The following ULK4 variants were observed in gnomAD, a reference collection of about 807,000 sequenced individuals.
The protein encoded by ULK4 is unc-51 like kinase 4, also known as inactive serine/threonine-protein kinase ULK4.
Under a neutral mutation model 160.6 loss-of-function variants are expected in ULK4, and 133 were observed. The ratio of observed to expected loss-of-function variants is 0.83; its 90% CI spans 0.72 to 0.96. The LOEUF is 0.96. Among genes scored for constraint, ULK4 ranks in the 40% least tolerant of loss-of-function variants. The probability of loss-of-function intolerance (pLI) is 0.00; values close to 1 mark genes in which losing one functional copy is unlikely to be tolerated. For missense variants in ULK4, 1,580 were observed against 1,499.5 expected, an observed-to-expected ratio of 1.05 and a Z score of -0.89; for synonymous variants, 534 against 539.8, an observed-to-expected ratio of 0.99 and a Z score of 0.15.
At chr3:41,426,965 C>A (rs1040705597) in intron 34 of ULK4, among the ~76,000 whole-genome samples, 1 of 152,060 alleles carries the variant, frequency 6.6e-6, no homozygotes, top group Non-Finnish European at 1.5e-5. Context: ...TCAAAGAAAT[C>A]AATGAATCCA....
At chr3:41,386,482 T>A (rs924637924) in intron 35 of ULK4, among the ~76,000 whole-genome samples, 34 of 152,130 alleles carry the variant, frequency 2.2e-4, no homozygotes, top group African/African-American at 8.2e-4. Context: ...TTCTCAAAAG[T>A]CAGGCAGGAA....
At chr3:41,350,708 AGAG>A (rs142404989) in intron 35 of ULK4, among the ~76,000 whole-genome samples, 7,415 of 152,270 alleles carry the variant, frequency 0.049, 419 homozygotes, top group East Asian at 0.2. Flanking sequence ...CTCTGCCATC[AGAG>A]AAGAGATACA....
At chr3:41,859,597 T>G in intron 17 of ULK4, 1 of 518,474 alleles carries the variant, frequency 1.9e-6, no homozygotes, top group Non-Finnish European at 3.9e-6. Context: ...ATATGCATGG[T>G]CACTGCCTGA....
intron 30 of ULK4, among the ~76,000 whole-genome samples, chr3:41,651,162 C>T (rs2034724508): frequency 1.3e-5 from 2 of 152,200 alleles, no homozygotes; most frequent in Non-Finnish European, 2.9e-5. Context: ...CCTCTGTCCT[C>T]ATCATACTGA....
chr3:41,756,105 T>C lies in ULK4; in HGVS notation c.2194-1617A>G, dbSNP rs142510679. On this transcript the variant is annotated intron_variant, in intron 21 of 36. Transcript: ENST00000301831. ...AATCATTCACACTGTATGTCCAAAA[T>C]TAAACTCAGTGACTACTCTAAACAT... Among the ~76,000 whole-genome samples the C allele has an allele frequency of 1.7e-3, 252 of 152,280 alleles. 1 individual carries two copies. Among genetic ancestry groups the C allele is most frequent in the Non-Finnish European group, 2.2e-3 (153 of 68,022 alleles).
chr3:41,923,261 G>A (rs1006613412), intron 5 of ULK4, among the ~76,000 whole-genome samples: 11 of 152,050 alleles, frequency 7.2e-5, no homozygotes. Context: ...CACTTTGGGA[G>A]GCTGAGGTGG....
At chr3:41,730,936 T>C (rs543267495) in intron 22 of ULK4, among the ~76,000 whole-genome samples, 6 of 152,100 alleles carry the variant, frequency 3.9e-5, no homozygotes, top group Admixed American at 2.6e-4. Flanking sequence ...AAAAACCATA[T>C]GATTTCAATA....
At chr3:41,836,614 G>C (rs1305491269) in intron 17 of ULK4, among the ~76,000 whole-genome samples, 1 of 152,152 alleles carries the variant, frequency 6.6e-6, no homozygotes, top group East Asian at 1.9e-4. Flanking sequence ...GGACAGCCAG[G>C]ATCCTAAAAC....
At chr3:41,452,904 C>G (rs954168308) in intron 34 of ULK4, among the ~76,000 whole-genome samples, 3 of 152,088 alleles carry the variant, frequency 2.0e-5, no homozygotes, top group African/African-American at 7.2e-5. Flanking sequence ...TGAGACTATT[C>G]CCAAACATGG....
At chr3:41,501,103 A>G (rs2085188149) in intron 32 of ULK4, among the ~76,000 whole-genome samples, 1 of 152,246 alleles carries the variant, frequency 6.6e-6, no homozygotes, top group Admixed American at 6.5e-5. Flanking sequence ...TTGACAATTC[A>G]TAAGTGTTGG....
At chr3:41,279,506 T>C (rs2079307791) in intron 35 of ULK4, among the ~76,000 whole-genome samples, 1 of 152,010 alleles carries the variant, frequency 6.6e-6, no homozygotes, top group South Asian at 2.1e-4. Flanking sequence ...GACACATAAT[T>C]GTCAGATGCA....
chr3:41,565,727 C>T (rs778433274), intron 32 of ULK4, among the ~76,000 whole-genome samples: 1 of 152,060 alleles, frequency 6.6e-6, no homozygotes, highest in Admixed American at 6.5e-5. Flanking sequence ...TCAGGTAATC[C>T]GTTATAGCAA....
intron 32 of ULK4, among the ~76,000 whole-genome samples, chr3:41,548,163 G>A (rs1428089064): frequency 6.6e-6 from 1 of 152,116 alleles, no homozygotes; most frequent in Non-Finnish European, 1.5e-5. Flanking sequence ...ACCCACCATA[G>A]CCTGTGCCCA....
intron 17 of ULK4, among the ~76,000 whole-genome samples, chr3:41,848,243 G>A (rs2042119769): frequency 6.6e-6 from 1 of 151,522 alleles, no homozygotes; most frequent in Admixed American, 6.6e-5. Context: ...GTCAGGAAAA[G>A]CAAGTAAAGT....
At chr3:41,469,185 T>C (rs546698887) in intron 32 of ULK4, among the ~76,000 whole-genome samples, 1 of 151,816 alleles carries the variant, frequency 6.6e-6, no homozygotes, top group South Asian at 2.1e-4. Flanking sequence ...CACCCAGGAG[T>C]TTAAACAGCA....
intron 20 of ULK4, 71 bp from the exon 21 acceptor site, chr3:41,789,914 A>C: frequency 7.4e-7 from 1 of 1,347,032 alleles, no homozygotes; most frequent in Non-Finnish European, 9.8e-7. Flanking sequence ...AAGGTAACAC[A>C]TGCTTCTGTG....
At chr3:41,878,955 G>A (rs1001233579) in intron 17 of ULK4, among the ~76,000 whole-genome samples, 6 of 152,058 alleles carry the variant, frequency 3.9e-5, no homozygotes, top group Non-Finnish European at 8.8e-5. Flanking sequence ...GCAGCCATGC[G>A]CAAGAAAGGA....
intron 32 of ULK4, among the ~76,000 whole-genome samples, chr3:41,557,750 A>C (rs1795357): frequency 6.6e-6 from 1 of 151,512 alleles, no homozygotes; most frequent in African/African-American, 2.4e-5. Context: ...GGGTAACACA[A>C]GGAGACTCTG....
intron 20 of ULK4, among the ~76,000 whole-genome samples, chr3:41,797,918 G>A (rs144958822): frequency 6.7e-6 from 1 of 148,730 alleles, no homozygotes; most frequent in Non-Finnish European, 1.5e-5. Flanking sequence ...CAAAACAAAA[G>A]AAAAGAAAAG....
Sources: allele counts gnomAD v4.1 joint callset (sites outside exome capture counted in the v4.1 genomes callset), GRCh38; gene constraint gnomAD v4.1.1; transcripts MANE v1.5; gene names NCBI Gene and HGNC (gene_info 2026-07-23, HGNC 2026-07-21).